BNC2: variants seen among roughly 807,000 people sequenced by gnomAD.
BNC2 encodes zinc finger protein basonuclin-2.
A neutral mutation model predicts 76.3 loss-of-function variants in BNC2; 20 were observed. That is an observed-to-expected ratio of 0.26 (90% confidence interval 0.18 to 0.38). BNC2 has a LOEUF of 0.38. Among genes scored for constraint, BNC2 ranks in the 10% least tolerant of loss-of-function variants. The pLI is 1.00. For synonymous variants in BNC2, 582 were observed against 514.8 expected, an observed-to-expected ratio of 1.13 and a Z score of -1.77; for missense variants, 1,382 against 1,399.8, an observed-to-expected ratio of 0.99 and a Z score of 0.20.
intron 1 of BNC2, among the ~76,000 whole-genome samples, chr9:16,820,959 C>T (rs1223572665): frequency 6.6e-6 from 1 of 151,938 alleles, no homozygotes; most frequent in African/African-American, 2.4e-5. Flanking sequence ...CTTTGGGAGG[C>T]CGAGGCAGGA....
intron 3 of BNC2, among the ~76,000 whole-genome samples, chr9:16,623,449 C>T (rs567604074): frequency 6.6e-6 from 1 of 152,240 alleles, no homozygotes; most frequent in South Asian, 2.1e-4. Context: ...AAGGCACTAA[C>T]AAGTAGATGC....
intron 3 of BNC2, among the ~76,000 whole-genome samples, chr9:16,612,701 G>A (rs1365201255): frequency 2.0e-5 from 3 of 152,154 alleles, no homozygotes; most frequent in Non-Finnish European, 2.9e-5. Flanking sequence ...ACTATAAAGT[G>A]GAATGTGATC....
At chr9:16,845,070 C>A (rs927133427) in intron 1 of BNC2, among the ~76,000 whole-genome samples, 1 of 152,164 alleles carries the variant, frequency 6.6e-6, no homozygotes, top group Non-Finnish European at 1.5e-5. Flanking sequence ...CAGTACTTCA[C>A]AGCGAACTGA....
At chr9:16,663,891 C>T (rs966559533) in intron 3 of BNC2, among the ~76,000 whole-genome samples, 1 of 152,070 alleles carries the variant, frequency 6.6e-6, no homozygotes, top group Non-Finnish European at 1.5e-5. Context: ...TACTGTTAAA[C>T]CTATAGAAAC....
At chr9:16,783,069 G>A (rs1288846308) in intron 1 of BNC2, among the ~76,000 whole-genome samples, 1 of 152,116 alleles carries the variant, frequency 6.6e-6, no homozygotes, top group Non-Finnish European at 1.5e-5. Context: ...AAAGCATGAA[G>A]CTAGTAGAAA....
At chr9:16,453,390 C>T (rs1320442480) in intron 5 of BNC2, among the ~76,000 whole-genome samples, 1 of 152,136 alleles carries the variant, frequency 6.6e-6, no homozygotes, top group African/African-American at 2.4e-5. Flanking sequence ...CATCCAAACC[C>T]CATCAATGTC....
intron 6 of BNC2, among the ~76,000 whole-genome samples, chr9:16,420,625 A>T (rs1170521671): frequency 1.3e-5 from 2 of 152,056 alleles, no homozygotes; most frequent in African/African-American, 4.8e-5. Context: ...CTTCTTCGAC[A>T]AGCAAAACTT....
intron 3 of BNC2, among the ~76,000 whole-genome samples, chr9:16,609,074 G>C (rs775092932): frequency 1.3e-5 from 2 of 152,128 alleles, no homozygotes; most frequent in African/African-American, 2.4e-5. Context: ...TGGGCTGTTT[G>C]AATGAAAGGG....
intron 1 of BNC2, among the ~76,000 whole-genome samples, chr9:16,834,682 G>A (rs1158512143): frequency 6.6e-6 from 1 of 151,644 alleles, no homozygotes; most frequent in Non-Finnish European, 1.5e-5. Flanking sequence ...TCACCCATTT[G>A]TGAACTCCCT....
intron 1 of BNC2, among the ~76,000 whole-genome samples, chr9:16,767,358 C>G (rs1026871721): frequency 6.6e-6 from 1 of 152,180 alleles, no homozygotes. Context: ...GGTCAGTGCT[C>G]AGAGAGACAC....
chr9:16,847,948 G>GT (rs1313096620), intron 1 of BNC2, among the ~76,000 whole-genome samples: 1 of 152,204 alleles, frequency 6.6e-6, no homozygotes, highest in African/African-American at 2.4e-5. Flanking sequence ...AGAAACCTGT[G>GT]TGTTCAATCT....
intron 5 of BNC2, among the ~76,000 whole-genome samples, chr9:16,497,693 T>C (rs1035579613): frequency 3.3e-5 from 5 of 152,110 alleles, no homozygotes; most frequent in Non-Finnish European, 5.9e-5. Context: ...GTCATTTAGA[T>C]TGGGTGGCAT....
At chr9:16,660,451 T>C (rs1213638515) in intron 3 of BNC2, among the ~76,000 whole-genome samples, 1 of 141,906 alleles carries the variant, frequency 7.0e-6, no homozygotes, top group Non-Finnish European at 1.5e-5. Context: ...CGAAAGTCCA[T>C]CTCAAAAAAA....
At chr9:16,735,396 T>A (rs7034546) in intron 2 of BNC2, among the ~76,000 whole-genome samples, 1,153 of 15,822 alleles carry the variant, frequency 0.073, 12 homozygotes, top group African/African-American at 0.18. Context: ...TAAATGAATT[T>A]AAAAAAAAAA....
chr9:16,620,859 T>G (rs566734902), intron 3 of BNC2, among the ~76,000 whole-genome samples: 1 of 152,290 alleles, frequency 6.6e-6, no homozygotes, highest in African/African-American at 2.4e-5. Flanking sequence ...ACTTTATGCA[T>G]CTGGTGATAT....
intron 1 of BNC2, among the ~76,000 whole-genome samples, chr9:16,866,087 A>C (rs1191025570): frequency 2.0e-5 from 3 of 152,218 alleles, no homozygotes; most frequent in Non-Finnish European, 2.9e-5. Flanking sequence ...TGTCTAAAGT[A>C]ATGCTCCTAA....
chr9:16,818,261 G>A (rs1345182166), intron 1 of BNC2, among the ~76,000 whole-genome samples: 5 of 152,142 alleles, frequency 3.3e-5, no homozygotes, highest in Non-Finnish European at 5.9e-5. Flanking sequence ...AAAATTAGCC[G>A]GGCGAGTTGG....
intron 3 of BNC2, among the ~76,000 whole-genome samples, chr9:16,631,132 A>G (rs1195384819): frequency 2.0e-5 from 3 of 152,276 alleles, no homozygotes; most frequent in Non-Finnish European, 2.9e-5. Flanking sequence ...TAAAATCTCA[A>G]GACAAATAAC....
At chr9:16,718,767 G>A (rs761476663) in intron 3 of BNC2, among the ~76,000 whole-genome samples, 8 of 152,110 alleles carry the variant, frequency 5.3e-5, no homozygotes, top group African/African-American at 1.2e-4. Flanking sequence ...TGCCTCTTTG[G>A]GGAAAGCCAC....
Sources: gnomAD v4.1 joint callset for allele counts (sites outside exome capture counted in the v4.1 genomes callset) on GRCh38, gnomAD v4.1.1 for gene constraint, MANE v1.5 for transcripts, NCBI Gene and HGNC (gene_info 2026-07-23, HGNC 2026-07-21) for gene names.